B3GAT2: variants seen among roughly 807,000 people sequenced by gnomAD.
The protein encoded by B3GAT2 is beta-1,3-glucuronyltransferase 2, also known as galactosylgalactosylxylosylprotein 3-beta-glucuronosyltransferase 2.
Under a neutral mutation model 27.8 loss-of-function variants are expected in B3GAT2, and 26 were observed. That is an observed-to-expected ratio of 0.93 (90% CI 0.68 to 1.30). The LOEUF is 1.30. Among genes scored for constraint, B3GAT2 ranks in the 50% most tolerant of loss-of-function variants. The pLI is 0.00. For synonymous variants in B3GAT2, 218 were observed against 195.1 expected, an observed-to-expected ratio of 1.12 and a Z score of -0.98; for missense variants, 458 against 459.0, an observed-to-expected ratio of 1.00 and a Z score of 0.02.
rs1185378404 is a variant in B3GAT2, at chr6:70,955,951, C to A, written c.479G>T (p.Arg160Leu). Reference protein sequence around the residue: ...RPGLPRATEQRNAGLAWLRQR... With the variant: ...RPGLPRATEQLNAGLAWLRQR... ...GCGCAGCCAGGCGAGGCCCGCGTTGCGCTGCTCAGTGGCGCGCGGCAGCCC... is the reference window on the plus strand; with the variant it reads ...GCGCAGCCAGGCGAGGCCCGCGTTGAGCTGCTCAGTGGCGCGCGGCAGCCC... Residue 160 changes from arginine to leucine, a missense_variant, in exon 1 of 4, where the codon CGC becomes CTC. Coordinates refer to ENST00000230053, the MANE Select transcript of B3GAT2 (RefSeq NM_080742.3). 2 of 1,561,888 alleles carry A rather than the reference C, an allele frequency of 1.3e-6. No individual in the cohort carries two copies. The highest frequency in any genetic ancestry group is 1.9e-5 in the Admixed American group (1 of 53,066).
intron 1 of B3GAT2, among the ~76,000 whole-genome samples, chr6:70,896,196 CAGAG>C (rs146624423): frequency 0.015 from 2,256 of 152,096 alleles, 50 homozygotes; most frequent in African/African-American, 0.05. Context: ...TGTGTGATCT[CAGAG>C]GGAGGGAGGG....
chr6:70,894,037 C>A, intron 2 of B3GAT2, 91 bp downstream of exon 2: 1 of 1,364,308 alleles, frequency 7.3e-7, no homozygotes. Flanking sequence ...CCAAATTTGT[C>A]TTTTAAAGCT....
intron 1 of B3GAT2, among the ~76,000 whole-genome samples, chr6:70,920,737 T>C (rs1312826638): frequency 6.6e-6 from 1 of 152,238 alleles, no homozygotes; most frequent in Non-Finnish European, 1.5e-5. Context: ...TTCAGAGGTC[T>C]AGTCCTTAAG....
At position 70,859,376 on chromosome 6, in the gene B3GAT2, C is replaced by CT. The variant is rs757942951; in HGVS notation, c.*2286dup. 30 of 1,549,504 alleles carry CT rather than the reference C, an allele frequency of 1.9e-5. No homozygotes were observed. The highest frequency in any genetic ancestry group is 2.6e-5 in the Non-Finnish European group (30 of 1,146,528). On this transcript the variant is annotated 3_prime_UTR_variant, in exon 4 of 4. Coordinates refer to ENST00000230053, the MANE Select transcript of B3GAT2 (RefSeq NM_080742.3). Reference sequence around the variant, plus strand: ...TTCTCCAGCACTCCATCAGTGCAATCTACTGGCCAATGACAAGGTGGTTAA... The same window carrying CT: ...TTCTCCAGCACTCCATCAGTGCAATCTTACTGGCCAATGACAAGGTGGTTAA...
intron 2 of B3GAT2, among the ~76,000 whole-genome samples, chr6:70,892,689 T>A (rs1772311043): frequency 6.6e-6 from 1 of 152,160 alleles, no homozygotes; most frequent in African/African-American, 2.4e-5. Flanking sequence ...ACAAGAAAAC[T>A]ACATCCCAGA....
intron 2 of B3GAT2, among the ~76,000 whole-genome samples, chr6:70,886,005 A>G (rs1772178355): frequency 6.6e-6 from 1 of 152,212 alleles, no homozygotes; most frequent in South Asian, 2.1e-4. Context: ...ACCCAAAGGC[A>G]CAGTCTTGTT....
At chr6:70,922,094 A>G (rs1277203271) in intron 1 of B3GAT2, among the ~76,000 whole-genome samples, 3 of 152,226 alleles carry the variant, frequency 2.0e-5, no homozygotes, top group Non-Finnish European at 2.9e-5. Context: ...GCAGGGGTAC[A>G]GCAAGATGCA....
chr6:70,873,165 T>C (rs564481112), intron 2 of B3GAT2, among the ~76,000 whole-genome samples: 4 of 152,250 alleles, frequency 2.6e-5, no homozygotes, highest in African/African-American at 9.6e-5. Context: ...TATTTGTTCA[T>C]GTGGATTACA....
At chr6:70,908,465 G>A (rs2255286) in intron 1 of B3GAT2, among the ~76,000 whole-genome samples, 72,965 of 151,912 alleles carry the variant, frequency 0.48, 18,164 homozygotes, top group East Asian at 0.69. Flanking sequence ...TCCAAAATAA[G>A]TACAGCATTT....
chr6:70,899,809 T>C (rs1340467003), intron 1 of B3GAT2, among the ~76,000 whole-genome samples: 1 of 152,204 alleles, frequency 6.6e-6, no homozygotes, highest in Admixed American at 6.5e-5. Context: ...TCTTTGAGGA[T>C]TCCTTAACAG....
intron 1 of B3GAT2, among the ~76,000 whole-genome samples, chr6:70,948,438 C>G (rs1243343698): frequency 6.6e-6 from 1 of 150,656 alleles, no homozygotes; most frequent in African/African-American, 2.4e-5. Flanking sequence ...ACACCAATAA[C>G]AGACAAACAG....
chr6:70,920,582 A>G (rs1251398304), intron 1 of B3GAT2, among the ~76,000 whole-genome samples: 1 of 152,188 alleles, frequency 6.6e-6, no homozygotes, highest in Non-Finnish European at 1.5e-5. Context: ...TTATTTCTTT[A>G]TCAAATTTGC....
chr6:70,942,980 C>T (rs1765418364), intron 1 of B3GAT2, among the ~76,000 whole-genome samples: 1 of 152,176 alleles, frequency 6.6e-6, no homozygotes, highest in South Asian at 2.1e-4. Context: ...GAAGGAACAA[C>T]AGTCTTAGAT....
rs1166827675 is a variant in B3GAT2 at position 70,861,970 on chromosome 6, C to T, written c.745G>A (p.Val249Ile). ...TTGGACAAAATGACTTGAAGACTTA[C>T]AGCAAATCCTTTGTGAAAAATAAAA... Reference protein sequence around the residue: ...PFAIDMAGFAVSLQVILSNPK... With the variant: ...PFAIDMAGFAISLQVILSNPK... The change falls in exon 3 of 4, where the codon GTA (valine) becomes ATA (isoleucine). Residue 249 changes from valine to isoleucine, a missense_variant. Coordinates refer to ENST00000230053, the MANE Select transcript of B3GAT2 (RefSeq NM_080742.3). 2.5e-6 allele frequency: 4 copies of T among 1,583,214 alleles called. No individual in the cohort carries two copies. In the Admixed American group the frequency reaches 5.7e-5, roughly 23 times the overall value.
At position 70,858,103 on chromosome 6, in the gene B3GAT2, A is replaced by T; in HGVS notation, c.*3560T>A. On this transcript the variant is annotated 3_prime_UTR_variant, in exon 4 of 4. Coordinates refer to ENST00000230053, the MANE Select transcript of B3GAT2 (RefSeq NM_080742.3). ...CCAATGGGTTTATGGGAAATGCACA[A>T]ACTGGTGTGATGCCACTTCCTCAGA... is the stretch of plus-strand genomic sequence containing the variant. 6.2e-7 allele frequency: 1 copy of T among 1,614,030 alleles called. No individual in the cohort carries two copies. The highest frequency in any genetic ancestry group is 8.5e-7 in the Non-Finnish European group (1 of 1,179,990).
chr6:70,926,261 G>A (rs117993271), intron 1 of B3GAT2, among the ~76,000 whole-genome samples: 16 of 152,204 alleles, frequency 1.1e-4, no homozygotes, highest in Admixed American at 3.3e-4. Flanking sequence ...AAATCAGAGC[G>A]ACTCTTCTCC....
At chr6:70,889,218 A>G (rs1441849895) in intron 2 of B3GAT2, among the ~76,000 whole-genome samples, 1 of 151,774 alleles carries the variant, frequency 6.6e-6, no homozygotes, top group Non-Finnish European at 1.5e-5. Context: ...TAAGGTCTTG[A>G]TCTCCCCTCA....
intron 1 of B3GAT2, among the ~76,000 whole-genome samples, chr6:70,898,249 G>T (rs1417656484): frequency 1.3e-5 from 2 of 151,996 alleles, no homozygotes; most frequent in Non-Finnish European, 2.9e-5. Context: ...ATTTATTTAG[G>T]TCTTTAATTT....
intron 1 of B3GAT2, among the ~76,000 whole-genome samples, chr6:70,949,276 A>G (rs1765540718): frequency 6.6e-6 from 1 of 152,032 alleles, no homozygotes; most frequent in East Asian, 1.9e-4. Context: ...GCAACCTACA[A>G]AATGGGAGAA....
Sources: gnomAD v4.1 joint callset for allele counts (sites outside exome capture counted in the v4.1 genomes callset) on GRCh38, gnomAD v4.1.1 for gene constraint, MANE v1.5 for transcripts, NCBI Gene and HGNC (gene_info 2026-07-23, HGNC 2026-07-21) for gene names.